Variants in CMIP observed in about 807,000 individuals in gnomAD.
CMIP encodes c-Maf inducing protein.
Under a neutral mutation model 97.3 loss-of-function variants are expected in CMIP, and 13 were observed. The ratio of observed to expected loss-of-function variants is 0.13; its 90% CI spans 0.09 to 0.21. The LOEUF (loss-of-function observed/expected upper bound fraction) is 0.21. Among genes scored for constraint, CMIP ranks in the 10% least tolerant of loss-of-function variants. The pLI is 1.00. For synonymous variants in CMIP, 538 were observed against 436.3 expected (o/e 1.23, Z -2.91); for missense variants, 847 against 1,024.9 (o/e 0.83, Z 2.37).
chr16:81,487,204 C>T (rs2089329316), intron 1 of CMIP, among the ~76,000 whole-genome samples: 1 of 152,194 alleles, frequency 6.6e-6, no homozygotes, highest in Non-Finnish European at 1.5e-5. Context: ...GTGCCCCCTC[C>T]CCACCCTCCC....
At chr16:81,509,177 G>T (rs925884115) in intron 1 of CMIP, among the ~76,000 whole-genome samples, 1 of 152,196 alleles carries the variant, frequency 6.6e-6, no homozygotes, top group Non-Finnish European at 1.5e-5. Context: ...TGTGCTCCCC[G>T]TGTGGCAGAC....
At chr16:81,690,612 T>C (rs866490158) in intron 10 of CMIP, among the ~76,000 whole-genome samples, 1 of 152,148 alleles carries the variant, frequency 6.6e-6, no homozygotes, top group African/African-American at 2.4e-5. Context: ...CTAGCAATTA[T>C]CCTGCCTCAG....
chr16:81,499,206 T>A (rs922426770), intron 1 of CMIP, among the ~76,000 whole-genome samples: 1 of 152,024 alleles, frequency 6.6e-6, no homozygotes, highest in African/African-American at 2.4e-5. Flanking sequence ...TGTGAACGTG[T>A]CCCAGCATGG....
In CMIP at chr16:81,614,275, C is replaced by G. The variant is rs536084037; in HGVS notation, c.426+6583C>G. On this transcript the variant is annotated intron_variant, in intron 2 of 20. Coordinates refer to ENST00000537098, the MANE Select transcript of CMIP (RefSeq NM_198390.3). The surrounding 1 kb of genome is among the most constrained non-coding windows in gnomAD (Gnocchi z 5.3). ...GTGCTGCCACAGTCACCAGCGACCA[C>G]GCATTCTAGGTGGCTGGAAGCGGCA... Among the ~76,000 whole-genome samples, 1 of 152,212 alleles carries G rather than the reference C, an allele frequency of 6.6e-6. No homozygotes were observed. The highest frequency in any genetic ancestry group is 2.4e-5 in the African/African-American group (1 of 41,448).
intron 1 of CMIP, among the ~76,000 whole-genome samples, chr16:81,563,412 G>T (rs1199018296): frequency 6.6e-6 from 1 of 152,202 alleles, no homozygotes; most frequent in Admixed American, 6.5e-5. Flanking sequence ...TGGTAAAATG[G>T]GAATGATGAT....
chr16:81,585,969 C>T (rs1224168547), intron 1 of CMIP, among the ~76,000 whole-genome samples: 4 of 152,172 alleles, frequency 2.6e-5, no homozygotes, highest in Non-Finnish European at 4.4e-5. Flanking sequence ...GTGCCCAGGG[C>T]GCTGCCGGGG....
intron 1 of CMIP, among the ~76,000 whole-genome samples, chr16:81,481,816 A>C (rs527481680): frequency 5.3e-5 from 8 of 151,536 alleles, no homozygotes. Context: ...CCCTCGTGGC[A>C]GCATCACTCC....
intron 10 of CMIP, among the ~76,000 whole-genome samples, chr16:81,679,269 G>T (rs1383808653): frequency 6.6e-6 from 1 of 152,216 alleles, no homozygotes; most frequent in Admixed American, 6.5e-5. Flanking sequence ...GTGTGTGTGT[G>T]TGTGTGTGTT....
At chr16:81,639,321 C>T (rs929498651) in intron 3 of CMIP, among the ~76,000 whole-genome samples, 1 of 152,232 alleles carries the variant, frequency 6.6e-6, no homozygotes, top group Admixed American at 6.5e-5. Flanking sequence ...GGTGGCAGTT[C>T]AGTGGTTCAT....
At chr16:81,517,593 T>C in intron 1 of CMIP, among the ~76,000 whole-genome samples, 1 of 152,234 alleles carries the variant, frequency 6.6e-6, no homozygotes, top group South Asian at 2.1e-4. Flanking sequence ...TTCTATATTA[T>C]TCAAATTGTA....
intron 1 of CMIP, among the ~76,000 whole-genome samples, chr16:81,474,598 T>A (rs1907771989): frequency 6.6e-6 from 1 of 152,186 alleles, no homozygotes; most frequent in Non-Finnish European, 1.5e-5. Context: ...CAGCCCCTGG[T>A]GTCTTCTTAC....
At chr16:81,661,078 G>A in intron 6 of CMIP, 132 bp downstream of exon 6, 1 of 1,063,100 alleles carries the variant, frequency 9.4e-7, no homozygotes, top group Non-Finnish European at 1.5e-6. Flanking sequence ...CCAGACACAG[G>A]CGGAGAGGGC....
intron 14 of CMIP, among the ~76,000 whole-genome samples, chr16:81,699,339 G>A (rs1907119252): frequency 6.6e-6 from 1 of 152,248 alleles, no homozygotes; most frequent in South Asian, 2.1e-4. Context: ...ATTGCATTTA[G>A]TATTATAGAT....
intron 1 of CMIP, among the ~76,000 whole-genome samples, chr16:81,492,072 C>T (rs1451658973): frequency 6.6e-6 from 1 of 152,144 alleles, no homozygotes; most frequent in Non-Finnish European, 1.5e-5. Flanking sequence ...GTGCCTGTAG[C>T]GTTTTTATCC....
At chr16:81,585,636 G>T (rs1025550811) in intron 1 of CMIP, among the ~76,000 whole-genome samples, 1 of 152,044 alleles carries the variant, frequency 6.6e-6, no homozygotes, top group Non-Finnish European at 1.5e-5. Flanking sequence ...ATGTCGTAGC[G>T]TGTGTCAGTA....
chr16:81,496,305 A>G (rs764863496), intron 1 of CMIP, among the ~76,000 whole-genome samples: 12 of 152,210 alleles, frequency 7.9e-5, no homozygotes, highest in Non-Finnish European at 1.5e-4. Context: ...TGTGCTCAGA[A>G]TACAGCAGTG....
At chr16:81,599,781 T>C (rs966786375) in intron 1 of CMIP, among the ~76,000 whole-genome samples, 3 of 152,214 alleles carry the variant, frequency 2.0e-5, no homozygotes, top group Non-Finnish European at 4.4e-5. Context: ...CTGTAGCATG[T>C]GGATAACAGG....
In CMIP at chr16:81,473,558, C is replaced by T. The variant is rs1354197669; in HGVS notation, c.300+28017C>T. Among the ~76,000 whole-genome samples the T allele has an allele frequency of 2.7e-5, 4 of 146,408 alleles. No individual in the cohort carries two copies. The Admixed American group carries it at 2.7e-4, about 10-fold the overall frequency. ...TTGTAGTGGGTAAGAATTAGCAGTT[C>T]CTGTCCTTTTGGTGTGGGAGTTGGG... On this transcript the variant is annotated intron_variant, in intron 1 of 20. Transcript: ENST00000537098.
At chr16:81,590,255 A>C (rs201903709) in intron 1 of CMIP, among the ~76,000 whole-genome samples, 1 of 121,682 alleles carries the variant, frequency 8.2e-6, no homozygotes, top group Non-Finnish European at 1.7e-5. Context: ...TTCCTTCCCT[A>C]CCTCCCATTC....
Sources: gnomAD v4.1 joint callset for allele counts (sites outside exome capture counted in the v4.1 genomes callset) on GRCh38, gnomAD v4.1.1 for gene constraint, Gnocchi (gnomAD v3.1) non-coding constraint, MANE v1.5 for transcripts, NCBI Gene and HGNC (gene_info 2026-07-23, HGNC 2026-07-21) for gene names.